Variants in GPC5 observed in about 807,000 individuals in gnomAD.
The protein encoded by GPC5 is glypican 5.
Under a neutral mutation model 53.9 loss-of-function variants are expected in GPC5, and 47 were observed. The observed-to-expected ratio is 0.87, with a 90% CI of 0.69 to 1.11. The LOEUF is 1.11. Ranked by LOEUF, GPC5 falls within the 50% of genes most tolerant of loss-of-function variation. The pLI, the probability that GPC5 is intolerant of heterozygous loss-of-function variation, is 0.00. For missense variants in GPC5, 748 were observed against 713.1 expected (o/e 1.05, Z -0.56); for synonymous variants, 286 against 263.3 (o/e 1.09, Z -0.84).
intron 2 of GPC5, among the ~76,000 whole-genome samples, chr13:91,628,406 C>G (rs1486512296): frequency 1.3e-5 from 2 of 151,996 alleles, no homozygotes; most frequent in Non-Finnish European, 2.9e-5. Context: ...AGTGTCATAA[C>G]TCATGTGTTA....
intron 7 of GPC5, among the ~76,000 whole-genome samples, chr13:92,614,690 T>C (rs1448961944): frequency 6.6e-6 from 1 of 152,188 alleles, no homozygotes; most frequent in Non-Finnish European, 1.5e-5. Flanking sequence ...TGTCTGTCAC[T>C]CACTTGTTGC....
At chr13:91,880,284 T>C (rs2039249821) in intron 5 of GPC5, among the ~76,000 whole-genome samples, 1 of 152,066 alleles carries the variant, frequency 6.6e-6, no homozygotes, top group African/African-American at 2.4e-5. Flanking sequence ...TGCTGTATTT[T>C]TATGTTTTTC....
intron 5 of GPC5, among the ~76,000 whole-genome samples, chr13:91,890,645 G>A (rs1046103133): frequency 3.7e-4 from 56 of 152,314 alleles, no homozygotes; most frequent in African/African-American, 1.3e-3. Context: ...TGCTGGGCCA[G>A]CATTATTCTG....
intron 6 of GPC5, among the ~76,000 whole-genome samples, chr13:91,990,584 A>T (rs1326886847): frequency 6.6e-6 from 1 of 152,194 alleles, no homozygotes; most frequent in Non-Finnish European, 1.5e-5. Flanking sequence ...AATATGTTTA[A>T]TACATTTAAA....
At chr13:91,843,415 C>T (rs2038812556) in intron 5 of GPC5, among the ~76,000 whole-genome samples, 1 of 152,072 alleles carries the variant, frequency 6.6e-6, no homozygotes, top group African/African-American at 2.4e-5. Flanking sequence ...AGGGACACTA[C>T]AGGAAGAGGG....
chr13:91,555,635 T>TG (rs2030902512), intron 2 of GPC5, among the ~76,000 whole-genome samples: 1 of 152,052 alleles, frequency 6.6e-6, no homozygotes. Flanking sequence ...TATTAGTCTG[T>TG]ACTCATGTTG....
chr13:91,715,112 G>A (rs2036308412), intron 3 of GPC5, among the ~76,000 whole-genome samples: 1 of 152,208 alleles, frequency 6.6e-6, no homozygotes, highest in Non-Finnish European at 1.5e-5. Flanking sequence ...GGTCATGGCT[G>A]TGGAAAGAGG....
chr13:92,772,637 G>T (rs1157853364), intron 7 of GPC5, among the ~76,000 whole-genome samples: 1 of 152,144 alleles, frequency 6.6e-6, no homozygotes, highest in African/African-American at 2.4e-5. Context: ...TCATAGAGTA[G>T]TTTGCTTATT....
intron 5 of GPC5, among the ~76,000 whole-genome samples, chr13:91,757,274 AT>A (rs997996619): frequency 1.3e-5 from 2 of 152,060 alleles, no homozygotes; most frequent in African/African-American, 4.8e-5. Context: ...AAATAAATAT[AT>A]TTTTTATTTG....
intron 6 of GPC5, among the ~76,000 whole-genome samples, chr13:92,047,034 C>T (rs528925742): frequency 6.6e-6 from 1 of 152,100 alleles, no homozygotes; most frequent in Non-Finnish European, 1.5e-5. Flanking sequence ...TTTTTCCTCC[C>T]TAGCACAGAG....
chr13:91,505,577 A>G (rs1238384528), intron 2 of GPC5, among the ~76,000 whole-genome samples: 2 of 152,208 alleles, frequency 1.3e-5, no homozygotes, highest in African/African-American at 4.8e-5. Context: ...ACTTTGTTCA[A>G]GTTTCACAAA....
At chr13:91,951,381 AAGAG>A (rs1334312623) in intron 6 of GPC5, among the ~76,000 whole-genome samples, 1 of 152,094 alleles carries the variant, frequency 6.6e-6, no homozygotes, top group African/African-American at 2.4e-5. Flanking sequence ...TATATACAGA[AAGAG>A]AGAGAGAAAG....
At chr13:92,028,190 GCTTGCACGGGAGGGGGAAT>G (rs2040815079) in intron 6 of GPC5, among the ~76,000 whole-genome samples, 1 of 152,022 alleles carries the variant, frequency 6.6e-6, no homozygotes, top group South Asian at 2.1e-4. Context: ...GTTTATACCT[GCTTGCACGGGAGGGGGAAT>G]CTTGCAAGAT....
intron 7 of GPC5, among the ~76,000 whole-genome samples, chr13:92,179,573 A>C (rs1489265449): frequency 6.6e-6 from 1 of 152,218 alleles, no homozygotes; most frequent in Admixed American, 6.5e-5. Flanking sequence ...ATCTTTTAAC[A>C]CCTAGAATTC....
At chr13:91,655,297 G>A (rs2034818827) in intron 2 of GPC5, among the ~76,000 whole-genome samples, 1 of 151,972 alleles carries the variant, frequency 6.6e-6, no homozygotes, top group Non-Finnish European at 1.5e-5. Context: ...GTGTGTGTTT[G>A]TGTGTGTGTA....
At chr13:92,486,991 G>A (rs2139440756) in intron 7 of GPC5, among the ~76,000 whole-genome samples, 1 of 152,220 alleles carries the variant, frequency 6.6e-6, no homozygotes, top group Middle Eastern at 3.4e-3. Context: ...AAGTAGCTGG[G>A]ATTATAGCCG....
At chr13:91,851,026 T>C (rs1388676835) in intron 5 of GPC5, among the ~76,000 whole-genome samples, 3 of 152,076 alleles carry the variant, frequency 2.0e-5, no homozygotes, top group Non-Finnish European at 4.4e-5. Context: ...GTAAACAAGA[T>C]GCAATATGAT....
At chr13:92,581,564 A>G (rs1291127821) in intron 7 of GPC5, among the ~76,000 whole-genome samples, 3 of 152,130 alleles carry the variant, frequency 2.0e-5, no homozygotes, top group Admixed American at 6.5e-5. Context: ...TACCAATTTC[A>G]TATCCTTTAG....
chr13:92,620,493 T>G (rs1884836592), intron 7 of GPC5, among the ~76,000 whole-genome samples: 1 of 152,210 alleles, frequency 6.6e-6, no homozygotes, highest in African/African-American at 2.4e-5. Context: ...ATAAAGTCAC[T>G]GATGATGCTC....
Sources: allele counts gnomAD v4.1 joint callset (sites outside exome capture counted in the v4.1 genomes callset), GRCh38; gene constraint gnomAD v4.1.1; transcripts MANE v1.5; gene names NCBI Gene and HGNC (gene_info 2026-07-23, HGNC 2026-07-21).